Variants in MID2 observed in about 807,000 individuals in gnomAD.
The protein encoded by MID2 is midline 2.
MID2 carries 13 observed loss-of-function variants against 46.1 expected under a neutral mutation model. The observed-to-expected ratio is 0.28, with a 90% confidence interval of 0.18 to 0.45. The LOEUF (loss-of-function observed/expected upper bound fraction) is 0.45, where lower values mean the gene tolerates loss of function less well. MID2 is among the 20% of genes least tolerant of loss of function. The pLI, the probability that MID2 is intolerant of heterozygous loss-of-function variation, is 1.00. For synonymous variants in MID2, 199 were observed against 212.3 expected (o/e 0.94, Z 0.55); for missense variants, 431 against 575.4 (o/e 0.75, Z 2.57).
intron 1 of MID2, among the ~76,000 whole-genome samples, chrX:107,839,210 A>C (rs1931273622): frequency 9.0e-6 from 1 of 111,409 alleles, no homozygotes; most frequent in Non-Finnish European, 1.9e-5. Flanking sequence ...CCTTAGTTAA[A>C]GACAACTTAG....
At chrX:107,837,444 T>C (rs1260516821) in intron 1 of MID2, among the ~76,000 whole-genome samples, 1 of 109,423 alleles carries the variant, frequency 9.1e-6, no homozygotes, top group Non-Finnish European at 1.9e-5. Context: ...AAGACAGAGA[T>C]ATGATTCTGG....
Position 107,841,253 on chromosome X carries a change from G to A in MID2, c.588G>A (p.Leu196=), listed in dbSNP as rs1931339993. Residue 196 remains leucine (L), a synonymous_variant, in exon 2 of 10, where the codon CTG becomes CTA. Transcript: ENST00000262843. Reference sequence around the variant, plus strand: ...CACATCTTCGAGGGATCACCTGCCTGGACCATGAGAATGAGAAAGTGAACA... The same window carrying A: ...CACATCTTCGAGGGATCACCTGCCTAGACCATGAGAATGAGAAAGTGAACA... ...PDTHLRGITC[L]DHENEKVNMY... The A allele has an allele frequency of 3.3e-6, 4 of 1,211,267 alleles. No homozygotes were observed. Among genetic ancestry groups the A allele is most frequent in the Non-Finnish European group, 4.5e-6 (4 of 895,255 alleles).
At chrX:107,882,454 C>G (rs1289457894) in intron 3 of MID2, among the ~76,000 whole-genome samples, 1 of 111,865 alleles carries the variant, frequency 8.9e-6, no homozygotes, top group Non-Finnish European at 1.9e-5. Context: ...GCAATCTACT[C>G]ATCTGACAAA....
At position 107,924,333 on chromosome X, in the gene MID2, C is replaced by T. The variant is rs1933130458; in HGVS notation, c.1436-10C>T. ...GCTGGTTAATGTCCTTGTCTTTCCC[C>T]ATGTTACAGGCCTGTATAATTCAGT... On this transcript the variant is annotated splice_polypyrimidine_tract_variant and intron_variant, in intron 7 of 9. Transcript: ENST00000262843. The T allele has an allele frequency of 8.4e-7, 1 of 1,195,867 alleles. No homozygotes were observed. The highest frequency in any genetic ancestry group is 1.8e-5 in the African/African-American group (1 of 56,927).
chrX:107,884,363 G>C (rs1207380535), intron 3 of MID2, among the ~76,000 whole-genome samples: 3 of 112,531 alleles, frequency 2.7e-5, no homozygotes, highest in Non-Finnish European at 5.6e-5. Context: ...CTATGTTCCA[G>C]GTAGTGTGCT....
At chrX:107,849,290 G>A (rs1931557223) in intron 2 of MID2, among the ~76,000 whole-genome samples, 1 of 111,815 alleles carries the variant, frequency 8.9e-6, no homozygotes, top group Admixed American at 9.5e-5. Context: ...ATGTGTGTAG[G>A]AGTGCTCATA....
Position 107,911,396 on chromosome X carries a change from T to C in MID2, c.1074-4606T>C, listed in dbSNP as rs142101113. Among the ~76,000 whole-genome samples the C allele has an allele frequency of 4.3e-3, 480 of 111,972 alleles. 2 individuals carry two copies. The highest frequency in any genetic ancestry group is 0.015 in the African/African-American group (458 of 30,797). On this transcript the variant is annotated intron_variant, in intron 5 of 9. Transcript: ENST00000262843. ...ACTTTGTCTTCTTATTTTACTAAGA[T>C]ACTTCCTTAATTTTTCATTAAATCC...
chrX:107,896,883 G>A (rs1162834819), intron 3 of MID2, among the ~76,000 whole-genome samples: 1 of 110,750 alleles, frequency 9.0e-6, no homozygotes, highest in Non-Finnish European at 1.9e-5. Flanking sequence ...GACTGCCTGG[G>A]TGCAAATCCT....
chrX:107,892,515 C>A (rs1053583164), intron 3 of MID2, among the ~76,000 whole-genome samples: 1 of 111,983 alleles, frequency 8.9e-6, no homozygotes, highest in Non-Finnish European at 1.9e-5. Context: ...TCTAACTGGT[C>A]TCTCTGGCCC....
intron 3 of MID2, among the ~76,000 whole-genome samples, chrX:107,891,616 C>A (rs1209247002): frequency 9.0e-6 from 1 of 111,655 alleles, no homozygotes; most frequent in Non-Finnish European, 1.9e-5. Flanking sequence ...TGGGGTTTTC[C>A]CCGTAGAAAC....
intron 5 of MID2, among the ~76,000 whole-genome samples, chrX:107,912,586 T>A (rs1932908502): frequency 9.0e-6 from 1 of 111,719 alleles, no homozygotes; most frequent in Non-Finnish European, 1.9e-5. Flanking sequence ...TTGTGAGCAA[T>A]GTTTCCTTGG....
chrX:107,865,318 G>A (rs1931931876), intron 3 of MID2, among the ~76,000 whole-genome samples: 1 of 112,207 alleles, frequency 8.9e-6, no homozygotes, highest in African/African-American at 3.2e-5. Context: ...AGCAATATTT[G>A]GGCAAGCCTT....
chrX:107,863,382 G>A (rs373415512), intron 3 of MID2, among the ~76,000 whole-genome samples: 2 of 111,759 alleles, frequency 1.8e-5, no homozygotes, highest in African/African-American at 3.2e-5. Context: ...CTTCATAGCC[G>A]AAACAGTTCA....
chrX:107,883,984 A>G (rs368328859), intron 3 of MID2, among the ~76,000 whole-genome samples: 2 of 112,848 alleles, frequency 1.8e-5, no homozygotes, highest in African/African-American at 6.4e-5. Flanking sequence ...TTAGCCTTTT[A>G]GGTTCTAGAT....
chrX:107,838,430 A>G (rs1249675642), intron 1 of MID2, among the ~76,000 whole-genome samples: 2 of 112,168 alleles, frequency 1.8e-5, no homozygotes, highest in Non-Finnish European at 3.8e-5. Context: ...GCTACAAAAT[A>G]CTGGCCAACA....
intron 7 of MID2, among the ~76,000 whole-genome samples, chrX:107,922,821 C>T (rs188015988): frequency 1.8e-5 from 2 of 111,514 alleles, no homozygotes; most frequent in Admixed American, 9.5e-5. Flanking sequence ...TCATTTTTTT[C>T]ACAGCTGCAT....
At chrX:107,883,973 C>G (rs1439205919) in intron 3 of MID2, among the ~76,000 whole-genome samples, 1 of 112,529 alleles carries the variant, frequency 8.9e-6, no homozygotes, top group African/African-American at 3.2e-5. Flanking sequence ...ATAAGGACGA[C>G]TTAGCCTTTT....
In MID2 at chrX:107,854,117, T is replaced by A. The variant is rs571883211; in HGVS notation, c.721-492T>A. On this transcript the variant is annotated intron_variant, in intron 2 of 9. Coordinates refer to ENST00000262843, the MANE Select transcript of MID2 (RefSeq NM_012216.4). Reference sequence around the variant, plus strand: ...CGTTCAGTATGCTTCTTGACTTATGTTAGGGTTACATCTGGATAAGTCCAT... The same window carrying A: ...CGTTCAGTATGCTTCTTGACTTATGATAGGGTTACATCTGGATAAGTCCAT... Among the ~76,000 whole-genome samples, 4 of 111,937 alleles carry A rather than the reference T, an allele frequency of 3.6e-5. No individual in the cohort carries two copies. In the South Asian group the frequency reaches 1.5e-3, roughly 42 times the overall value.
At chrX:107,904,272 T>C (rs1385997317) in intron 4 of MID2, among the ~76,000 whole-genome samples, 1 of 111,814 alleles carries the variant, frequency 8.9e-6, no homozygotes, top group Non-Finnish European at 1.9e-5. Flanking sequence ...TATCTTGACC[T>C]GGTTTACGTG....
Sources: allele counts gnomAD v4.1 joint callset (sites outside exome capture counted in the v4.1 genomes callset), GRCh38; gene constraint gnomAD v4.1.1; transcripts MANE v1.5; gene names NCBI Gene and HGNC (gene_info 2026-07-23, HGNC 2026-07-21).